Variants in PACRG observed in about 807,000 individuals in gnomAD.
PACRG encodes parkin coregulated.
A neutral mutation model predicts 29.7 loss-of-function variants in PACRG; 29 were observed. The observed-to-expected ratio is 0.98, with a 90% CI of 0.73 to 1.33. The LOEUF (loss-of-function observed/expected upper bound fraction) is 1.33. Ranked by LOEUF, PACRG falls within the 40% of genes most tolerant of loss-of-function variation. PACRG has a pLI of 0.00. For synonymous variants in PACRG, 116 were observed against 118.7 expected, an observed-to-expected ratio of 0.98 and a Z score of 0.15; for missense variants, 279 against 316.2, an observed-to-expected ratio of 0.88 and a Z score of 0.89.
At chr6:162,995,039 C>T (rs1427339565) in intron 2 of PACRG, among the ~76,000 whole-genome samples, 4 of 151,216 alleles carry the variant, frequency 2.6e-5, no homozygotes, top group East Asian at 1.9e-4. Context: ...GGGTGCCTCC[C>T]AGTTAGGCTG....
At chr6:162,748,177 A>G (rs1401570862) in intron 1 of PACRG, among the ~76,000 whole-genome samples, 2 of 152,180 alleles carry the variant, frequency 1.3e-5, no homozygotes, top group African/African-American at 4.8e-5. Flanking sequence ...ACGTATTAAA[A>G]TATTGGAAAA....
chr6:163,004,975 G>A (rs1439032188), intron 2 of PACRG, among the ~76,000 whole-genome samples: 16 of 151,720 alleles, frequency 1.1e-4, no homozygotes, highest in Admixed American at 1.0e-3. Flanking sequence ...AGCTTTATAT[G>A]AAAAATAAAT....
intron 4 of PACRG, among the ~76,000 whole-genome samples, chr6:163,289,269 G>A (rs1371774773): frequency 3.9e-5 from 6 of 152,154 alleles, no homozygotes; most frequent in Admixed American, 3.3e-4. Context: ...TTAGTTTACT[G>A]GCTCTCCTGA....
intron 2 of PACRG, among the ~76,000 whole-genome samples, chr6:163,005,892 C>T (rs959387162): frequency 1.3e-4 from 18 of 143,212 alleles, no homozygotes; most frequent in East Asian, 6.2e-4. Context: ...ATATATACAA[C>T]GTAGTTATAC....
At chr6:163,120,114 A>AG (rs1816198305) in intron 4 of PACRG, among the ~76,000 whole-genome samples, 1 of 152,158 alleles carries the variant, frequency 6.6e-6, no homozygotes, top group African/African-American at 2.4e-5. Context: ...GTAGAGGTTT[A>AG]GGGGGAAAGG....
chr6:162,896,997 A>G (rs1273711229), intron 2 of PACRG, among the ~76,000 whole-genome samples: 1 of 152,252 alleles, frequency 6.6e-6, no homozygotes, highest in Non-Finnish European at 1.5e-5. Flanking sequence ...CTTCCTTGAC[A>G]AAAGTTCTGA....
intron 4 of PACRG, among the ~76,000 whole-genome samples, chr6:163,156,563 T>C (rs1778327614): frequency 6.6e-6 from 1 of 152,132 alleles, no homozygotes; most frequent in African/African-American, 2.4e-5. Context: ...CCCCTCCCAC[T>C]TCAGTCCTCC....
intron 2 of PACRG, among the ~76,000 whole-genome samples, chr6:162,841,310 T>G (rs1265163212): frequency 6.7e-6 from 1 of 148,838 alleles, no homozygotes; most frequent in Non-Finnish European, 1.5e-5. Flanking sequence ...AACTTCTTCC[T>G]GGTTTAGTCT....
chr6:163,091,461 CT>C (rs2128303688), intron 4 of PACRG, among the ~76,000 whole-genome samples: 1 of 152,334 alleles, frequency 6.6e-6, no homozygotes, highest in East Asian at 1.9e-4. Context: ...TGGTTCCAAA[CT>C]CAGCTAATTC....
At chr6:162,816,688 A>C (rs1200152933) in intron 2 of PACRG, among the ~76,000 whole-genome samples, 1 of 152,182 alleles carries the variant, frequency 6.6e-6, no homozygotes, top group African/African-American at 2.4e-5. Context: ...CTTGGGAACC[A>C]TCTGTCCATA....
In PACRG at chr6:163,158,747, G is replaced by C. The variant is rs1778426835; in HGVS notation, c.613+69339G>C. On this transcript the variant is annotated intron_variant, in intron 4 of 4. Coordinates refer to ENST00000366888, the MANE Select transcript of PACRG (RefSeq NM_001080379.2). The stretch of plus-strand genomic sequence containing the variant: ...TTACTAGGAAATAATATTGCACACT[G>C]ACGTGCCAGGTACCTCCTCACACTG... 2.0e-5 allele frequency among the ~76,000 whole-genome samples: 3 copies of C among 152,284 alleles called. No individual in the cohort carries two copies. In the South Asian group the frequency reaches 6.2e-4, roughly 32 times the overall value.
Position 162,728,188 on chromosome 6 carries a change from T to C in PACRG, c.-48T>C. The C allele has an allele frequency of 6.3e-7, 1 of 1,593,278 alleles. No individual in the cohort carries two copies. On this transcript the variant is annotated 5_prime_UTR_variant, in exon 1 of 5. Transcript: ENST00000366888. Reference sequence around the variant, plus strand: ...TCCTGCTCACATCCGTAAAGCCCACTGATTCTTTTACTACACTTTTTATGA... The same window carrying C: ...TCCTGCTCACATCCGTAAAGCCCACCGATTCTTTTACTACACTTTTTATGA...
chr6:163,104,395 C>T (rs1460106055), intron 4 of PACRG, among the ~76,000 whole-genome samples: 3 of 152,080 alleles, frequency 2.0e-5, no homozygotes, highest in Non-Finnish European at 4.4e-5. Context: ...CTGTCTTCGT[C>T]CATTTTTGTG....
At chr6:162,776,431 A>G (rs1783646889) in intron 1 of PACRG, among the ~76,000 whole-genome samples, 1 of 152,180 alleles carries the variant, frequency 6.6e-6, no homozygotes, top group South Asian at 2.1e-4. Flanking sequence ...ACTGTCAACA[A>G]TGAGCTGGCT....
intron 4 of PACRG, among the ~76,000 whole-genome samples, chr6:163,263,438 C>T (rs993511047): frequency 2.6e-5 from 4 of 152,148 alleles, no homozygotes; most frequent in Admixed American, 1.3e-4. Context: ...ACACGCTGTG[C>T]GCCAAGGACC....
intron 4 of PACRG, among the ~76,000 whole-genome samples, chr6:163,235,181 G>C (rs1184028164): frequency 6.6e-6 from 1 of 152,128 alleles, no homozygotes; most frequent in African/African-American, 2.4e-5. Flanking sequence ...TTGTGGGCAT[G>C]ACTCGAGCAG....
intron 4 of PACRG, among the ~76,000 whole-genome samples, chr6:163,282,834 A>G (rs6922089): frequency 0.75 from 114,502 of 152,188 alleles, 43,824 homozygotes; most frequent in African/African-American, 0.9. Flanking sequence ...ACAATGGGAA[A>G]CAACAATTTC....
chr6:162,809,481 A>G (rs1786649001), intron 1 of PACRG, among the ~76,000 whole-genome samples: 2 of 152,218 alleles, frequency 1.3e-5, no homozygotes, highest in Non-Finnish European at 2.9e-5. Context: ...TGTAGGGTAC[A>G]TGAAAATTTA....
At chr6:163,135,379 G>C (rs1562933907) in intron 4 of PACRG, among the ~76,000 whole-genome samples, 4 of 152,014 alleles carry the variant, frequency 2.6e-5, no homozygotes, top group East Asian at 3.9e-4. Context: ...AGTAGAGACG[G>C]GGTTTCACCA....
Sources: gnomAD v4.1 joint callset for allele counts (sites outside exome capture counted in the v4.1 genomes callset) on GRCh38, gnomAD v4.1.1 for gene constraint, MANE v1.5 for transcripts, NCBI Gene and HGNC (gene_info 2026-07-23, HGNC 2026-07-21) for gene names.